The following BANP variants were observed in gnomAD, a reference collection of about 807,000 sequenced individuals.
BANP encodes protein BANP.
BANP carries 11 observed loss-of-function variants against 68.1 expected under a neutral mutation model. The ratio of observed to expected loss-of-function variants is 0.16; its 90% CI spans 0.10 to 0.27. BANP has a LOEUF of 0.27. Among genes scored for constraint, BANP ranks in the 10% least tolerant of loss-of-function variants. The pLI, the probability that BANP is intolerant of heterozygous loss-of-function variation, is 1.00. For missense variants in BANP, 504 were observed against 722.7 expected, an observed-to-expected ratio of 0.70 and a Z score of 3.47; for synonymous variants, 329 against 303.2, an observed-to-expected ratio of 1.09 and a Z score of -0.88.
chr16:88,027,364 C>T (rs1234674493), intron 7 of BANP, 119 bp from the exon 8 acceptor site: 4 of 1,132,424 alleles, frequency 3.5e-6, no homozygotes, highest in Non-Finnish European at 5.1e-6. Context: ...CGGGGCCGGC[C>T]TGGCGGGCTG....
rs935502119 is a variant in BANP at position 88,064,669 on chromosome 16, A to G, written c.1312-598A>G. On this transcript the variant is annotated intron_variant, in intron 11 of 13. Transcript: ENST00000682872. The surrounding 1 kb of genome is among the most constrained non-coding windows in gnomAD (Gnocchi z 4.5). ...TGCCTTCCTCCCTTAAAAAACAACA[A>G]CGCTTTTGCCAGACACAAGAGGCTC... 1.3e-5 allele frequency among the ~76,000 whole-genome samples: 2 copies of G among 152,156 alleles called. No homozygotes were observed. The highest frequency in any genetic ancestry group is 6.5e-5 in the Admixed American group (1 of 15,284).
chr16:87,956,535 A>G (rs138752572), intron 1 of BANP: 1 of 152,186 alleles, frequency 6.6e-6, no homozygotes, highest in Admixed American at 6.5e-5. Context: ...CACACTTGCA[A>G]TTTGCTCTGA....
intron 1 of BANP, among the ~76,000 whole-genome samples, chr16:87,960,359 A>T (rs2058918348): frequency 6.6e-6 from 1 of 152,118 alleles, no homozygotes; most frequent in Admixed American, 6.5e-5. Flanking sequence ...ACACTTGAGG[A>T]TGGGCTTGGG....
chr16:87,990,721 T>C lies in BANP; in HGVS notation c.362+6462T>C, dbSNP rs1388335920. Among the ~76,000 whole-genome samples, 4 of 152,250 alleles carry C rather than the reference T, an allele frequency of 2.6e-5. No homozygotes were observed. The East Asian group carries it at 5.8e-4, about 22-fold the overall frequency. ...TTCGTGTACATGTGATTTCTCTTCC[T>C]GACTGGTCTATACTACCTTGCACAG... On this transcript the variant is annotated intron_variant, in intron 4 of 13. Coordinates refer to ENST00000682872, the MANE Select transcript of BANP (RefSeq NM_001386991.1).
chr16:88,024,064 A>G (rs2076514154), intron 7 of BANP, among the ~76,000 whole-genome samples: 2 of 152,214 alleles, frequency 1.3e-5, no homozygotes. Flanking sequence ...GCGCTGCTGC[A>G]GGGGAGACTT....
intron 1 of BANP, among the ~76,000 whole-genome samples, chr16:87,971,427 G>A (rs1191855072): frequency 6.6e-6 from 1 of 152,134 alleles, no homozygotes; most frequent in African/African-American, 2.4e-5. Context: ...CTTTATACTT[G>A]AAAGTAATTT....
At chr16:88,042,305 G>A (rs564683534) in intron 11 of BANP, among the ~76,000 whole-genome samples, 9 of 152,326 alleles carry the variant, frequency 5.9e-5, no homozygotes, top group South Asian at 2.1e-4. Flanking sequence ...GGACGGTGGC[G>A]GGTGCGCAGG....
intron 11 of BANP, among the ~76,000 whole-genome samples, chr16:88,041,019 C>T (rs971936709): frequency 6.6e-6 from 1 of 152,234 alleles, no homozygotes; most frequent in Non-Finnish European, 1.5e-5. Context: ...CCTCTTCCGG[C>T]CATCCGTTTT....
chr16:87,950,230 C>G (rs905661363), upstream of BANP, among the ~76,000 whole-genome samples: 14 of 151,956 alleles, frequency 9.2e-5, no homozygotes, highest in Non-Finnish European at 1.9e-4. Flanking sequence ...TTTGGGAGCT[C>G]AAAGGCATTC....
At chr16:88,065,634 A>T (rs139396348) in intron 12 of BANP, among the ~76,000 whole-genome samples, 1 of 152,126 alleles carries the variant, frequency 6.6e-6, no homozygotes, top group Non-Finnish European at 1.5e-5. Flanking sequence ...CGGGGGAAGA[A>T]TTTCTCGCCA....
chr16:88,064,538 C>A lies in BANP; in HGVS notation c.1312-729C>A, dbSNP rs6540162. Among the ~76,000 whole-genome samples the A allele has an allele frequency of 0.99, 150,266 of 152,372 alleles. 74,124 individuals carry two copies. Among genetic ancestry groups the A allele is most frequent in the East Asian group, 1 (5,182 of 5,182 alleles). On this transcript the variant is annotated intron_variant, in intron 11 of 13. Transcript: ENST00000682872. The surrounding 1 kb of genome is among the most constrained non-coding windows in gnomAD (Gnocchi z 4.5). ...GGATGCGGCTAGGCGTCCAGGCCAG[C>A]ATCGGGTTGGCTGAGGGTTTGCCGA... is the stretch of plus-strand genomic sequence containing the variant.
chr16:87,967,142 G>C (rs1215403816), intron 1 of BANP, among the ~76,000 whole-genome samples: 1 of 152,164 alleles, frequency 6.6e-6, no homozygotes, highest in Non-Finnish European at 1.5e-5. Flanking sequence ...GCTCTTCCGT[G>C]AGCTCTGGGG....
Position 88,071,026 on chromosome 16 carries a change from G to A in BANP, c.1378-1043G>A, listed in dbSNP as rs1207059438. 4.9e-5 allele frequency: 8 copies of A among 164,650 alleles called. No homozygotes were observed. Among genetic ancestry groups the A allele is most frequent in the Admixed American group, 2.4e-4 (4 of 16,884 alleles). The allele number at this position is 164,650 out of a possible 1,614,324, so 10.2% of individuals were successfully genotyped here. A position where few individuals can be genotyped will look rare whatever the true frequency, so the allele number is the denominator to read the frequency against. On this transcript the variant is annotated intron_variant, in intron 12 of 13. Transcript: ENST00000682872. The surrounding 1 kb of genome is among the most constrained non-coding windows in gnomAD (Gnocchi z 6.5). ...CCTGGTCCGGCGCTGTCTCTGCAGTGTGTTTGCGGGGGCCAAGTTTGCTCT... is the reference window on the plus strand; with the variant it reads ...CCTGGTCCGGCGCTGTCTCTGCAGTATGTTTGCGGGGGCCAAGTTTGCTCT...
intron 2 of BANP, among the ~76,000 whole-genome samples, chr16:87,975,433 C>G (rs1231588887): frequency 6.6e-6 from 1 of 152,220 alleles, no homozygotes; most frequent in Non-Finnish European, 1.5e-5. Flanking sequence ...CCTGCTCCCA[C>G]TCCTTGGGGG....
chr16:87,996,985 CAG>C (rs1304363882), intron 4 of BANP, among the ~76,000 whole-genome samples: 3 of 152,204 alleles, frequency 2.0e-5, no homozygotes, highest in African/African-American at 7.2e-5. Context: ...CCACGAGCAA[CAG>C]GGGCCGCCAT....
At chr16:88,056,461 C>CTTTT (rs5818659) in intron 11 of BANP, among the ~76,000 whole-genome samples, 3 of 119,718 alleles carry the variant, frequency 2.5e-5, no homozygotes, top group African/African-American at 8.0e-5. Flanking sequence ...TATTCTCTCT[C>CTTTT]TTTTTTTTTT....
At chr16:87,975,262 C>A in intron 2 of BANP, 77 bp downstream of exon 2, 1 of 1,456,880 alleles carries the variant, frequency 6.9e-7, no homozygotes, top group Non-Finnish European at 9.6e-7. Flanking sequence ...CAGTTATTTT[C>A]TTTCCTTTAA....
At chr16:87,968,571 A>C (rs1260632139) in intron 1 of BANP, among the ~76,000 whole-genome samples, 2 of 152,046 alleles carry the variant, frequency 1.3e-5, no homozygotes, top group African/African-American at 4.8e-5. Context: ...TGTATTGATG[A>C]CATGTAGCTT....
In BANP at chr16:87,981,069, A is replaced by G. The variant is rs1315463760; in HGVS notation, c.104A>G (p.Asp35Gly). 1 of 1,613,978 alleles carries G rather than the reference A, an allele frequency of 6.2e-7. No homozygotes were observed. The highest frequency in any genetic ancestry group is 1.1e-5 in the South Asian group (1 of 91,090). Residue 35 changes from aspartate (D) to glycine (G), a missense_variant, in exon 3 of 14, where the codon GAC becomes GGC. Transcript: ENST00000682872. ...GAGAATCATGTAGTGACAGATGAAG[A>G]CGAACCTGCTTTGAAACGCCAGCGA... is the stretch of plus-strand genomic sequence containing the variant. Reference protein sequence around the residue: ...VLENHVVTDEDEPALKRQRLE... With the variant: ...VLENHVVTDEGEPALKRQRLE...
Sources: allele counts gnomAD v4.1 joint callset (sites outside exome capture counted in the v4.1 genomes callset), GRCh38; gene constraint gnomAD v4.1.1; non-coding constraint Gnocchi (gnomAD v3.1); transcripts MANE v1.5; gene names NCBI Gene and HGNC (gene_info 2026-07-23, HGNC 2026-07-21).